The following SNRPN variants were observed in gnomAD, a reference collection of about 807,000 sequenced individuals.
SNRPN encodes small nuclear ribonucleoprotein-associated protein N.
A neutral mutation model predicts 25.2 loss-of-function variants in SNRPN; 7 were observed. The observed-to-expected ratio is 0.28, with a 90% CI of 0.16 to 0.52. The LOEUF is 0.52. Among genes scored for constraint, SNRPN ranks in the 20% least tolerant of loss-of-function variants. The pLI, the probability that SNRPN is intolerant of heterozygous loss-of-function variation, is 0.96. For missense variants in SNRPN, 196 were observed against 322.5 expected (o/e 0.61, Z 3.00); for synonymous variants, 124 against 110.6 (o/e 1.12, Z -0.76).
chr15:24,954,915 G>T (rs2062582192), upstream of SNRPN: 4 of 1,345,150 alleles, frequency 3.0e-6, no homozygotes, highest in Non-Finnish European at 4.2e-6. Context: ...CTGCGCGGCC[G>T]CAGAGGCAGG....
rs980772938 is a variant in SNRPN at position 24,903,863 on chromosome 15, T to A, written c.-504-16148T>A. Among the ~76,000 whole-genome samples, 3 of 152,036 alleles carry A rather than the reference T, an allele frequency of 2.0e-5. No individual in the cohort carries two copies. In the South Asian group the frequency reaches 6.2e-4, roughly 32 times the overall value. ...GCTTGGGCAATGTGGATAAACCCCA[T>A]CTCTACAAAAACATACAAAAAATTG... On this transcript the variant is annotated intron_variant, in intron 2 of 11. Transcript: ENST00000400097.
At chr15:24,971,716 C>A (rs1298580768) in intron 3 of SNRPN, among the ~76,000 whole-genome samples, 1 of 152,084 alleles carries the variant, frequency 6.6e-6, no homozygotes, top group East Asian at 1.9e-4. Flanking sequence ...CAAAAAAATT[C>A]CAACCTCTGG....
chr15:24,910,118 G>A (rs1168501574), intron 2 of SNRPN, among the ~76,000 whole-genome samples: 2 of 152,054 alleles, frequency 1.3e-5, no homozygotes, highest in East Asian at 3.9e-4. Flanking sequence ...GACTGTTCTG[G>A]TTGCTAATGG....
intron 3 of SNRPN, among the ~76,000 whole-genome samples, chr15:24,949,745 T>C (rs1335696993): frequency 1.3e-5 from 2 of 152,212 alleles, no homozygotes; most frequent in Non-Finnish European, 2.9e-5. Flanking sequence ...CCATGTTGTT[T>C]CATGAATCAA....
intron 2 of SNRPN, among the ~76,000 whole-genome samples, chr15:24,901,786 A>G (rs1395904429): frequency 6.6e-6 from 1 of 152,214 alleles, no homozygotes; most frequent in Non-Finnish European, 1.5e-5. Context: ...GCAAATTCAG[A>G]TTCCAAGTGC....
At chr15:24,859,377 G>A (rs776679762) in intron 1 of SNRPN, among the ~76,000 whole-genome samples, 3 of 152,078 alleles carry the variant, frequency 2.0e-5, no homozygotes, top group Non-Finnish European at 2.9e-5. Flanking sequence ...CAACAAGATT[G>A]TATTCCACTA....
chr15:24,931,044 T>C (rs1052186517), intron 3 of SNRPN, among the ~76,000 whole-genome samples: 4 of 152,094 alleles, frequency 2.6e-5, no homozygotes, highest in Non-Finnish European at 4.4e-5. Context: ...AGTGAGACTC[T>C]GTCTCAAAAA....
At position 24,868,592 on chromosome 15, in the gene SNRPN, G is replaced by T. The variant is rs74005381; in HGVS notation, c.-579+11876G>T. Among the ~76,000 whole-genome samples the T allele has an allele frequency of 8.5e-3, 1,291 of 152,296 alleles. 20 individuals are homozygous for T. Among genetic ancestry groups the T allele is most frequent in the African/African-American group, 0.029 (1,215 of 41,552 alleles). ...GAATGCAAGGTTGTGTTCACCAGCAGGTGGGAATCACTGGGTGCCAATCTA... is the reference window on the plus strand; with the variant it reads ...GAATGCAAGGTTGTGTTCACCAGCATGTGGGAATCACTGGGTGCCAATCTA... On this transcript the variant is annotated intron_variant, in intron 1 of 11. Transcript: ENST00000400097.
chr15:24,910,714 C>T lies in SNRPN; in HGVS notation c.-504-9297C>T, dbSNP rs144665079. 2.0e-3 allele frequency among the ~76,000 whole-genome samples: 299 copies of T among 152,164 alleles called. 1 individual carries two copies. Among genetic ancestry groups the T allele is most frequent in the African/African-American group, 6.9e-3 (288 of 41,522 alleles). On this transcript the variant is annotated intron_variant, in intron 2 of 11. Coordinates refer to the SNRPN transcript ENST00000400097. ...TTCATCATATTGGCCAGGCTGGTCTCGAACTCCTGACTTCGTGTTCCACCC... is the reference window on the plus strand; with the variant it reads ...TTCATCATATTGGCCAGGCTGGTCTTGAACTCCTGACTTCGTGTTCCACCC...
At chr15:24,841,355 G>A (rs2051688713) in intron 2 of SNRPN, among the ~76,000 whole-genome samples, 1 of 152,002 alleles carries the variant, frequency 6.6e-6, no homozygotes, top group African/African-American at 2.4e-5. Context: ...TGCACTCAGG[G>A]TGGGAACCAG....
intron 3 of SNRPN, among the ~76,000 whole-genome samples, chr15:24,971,901 G>A (rs550466535): frequency 1.6e-4 from 25 of 152,300 alleles, no homozygotes; most frequent in African/African-American, 6.0e-4. Flanking sequence ...CTCATTCACA[G>A]TCATGATCCT....
upstream of SNRPN, among the ~76,000 whole-genome samples, chr15:24,952,815 C>T (rs2062386303): frequency 6.6e-6 from 1 of 151,814 alleles, no homozygotes; most frequent in African/African-American, 2.4e-5. Flanking sequence ...ATTAAAAATA[C>T]AAAACAATCT....
chr15:24,949,241 T>C (rs1329459994), intron 3 of SNRPN, among the ~76,000 whole-genome samples: 3 of 151,872 alleles, frequency 2.0e-5, no homozygotes, highest in Non-Finnish European at 4.4e-5. Flanking sequence ...AGGCTGGTCT[T>C]GAACTCCTGA....
intron 2 of SNRPN, among the ~76,000 whole-genome samples, chr15:24,830,932 T>A (rs72693632): frequency 0.14 from 21,477 of 152,036 alleles, 1,779 homozygotes; most frequent in East Asian, 0.28. Flanking sequence ...ATGTCAATTA[T>A]ATCCAATTGA....
intron 1 of SNRPN, among the ~76,000 whole-genome samples, chr15:24,960,122 G>A (rs2153452904): frequency 6.6e-6 from 1 of 152,194 alleles, no homozygotes; most frequent in South Asian, 2.1e-4. Context: ...AAAATTAGCT[G>A]GGTGTGGTGG....
intron 2 of SNRPN, among the ~76,000 whole-genome samples, chr15:24,965,593 CAG>C: frequency 6.6e-6 from 1 of 152,154 alleles, no homozygotes; most frequent in Non-Finnish European, 1.5e-5. Context: ...TTCTGTCTTT[CAG>C]TGTATTTGTC....
chr15:24,856,448 A>G (rs2053393354), upstream of SNRPN: 1 of 152,266 alleles, frequency 6.6e-6, no homozygotes, highest in African/African-American at 2.4e-5. Context: ...CAGAGGTGGC[A>G]GAAACCCCTG....
chr15:24,911,183 G>A (rs1156861953), intron 2 of SNRPN: 11 of 487,242 alleles, frequency 2.3e-5, no homozygotes, highest in Non-Finnish European at 3.7e-5. Context: ...TTTTTAAAGG[G>A]AAGTTGAACA....
chr15:24,848,150 C>T (rs1021408857), intron 2 of SNRPN, among the ~76,000 whole-genome samples: 1 of 148,490 alleles, frequency 6.7e-6, no homozygotes, highest in Admixed American at 6.8e-5. Context: ...GCAGCAAATG[C>T]GCCACTGTCC....
Sources: allele counts gnomAD v4.1 joint callset (sites outside exome capture counted in the v4.1 genomes callset), GRCh38; gene constraint gnomAD v4.1.1; transcripts MANE v1.5; gene names NCBI Gene and HGNC (gene_info 2026-07-23, HGNC 2026-07-21).